The following B4GALNT1 variants were observed in gnomAD, a reference collection of about 807,000 sequenced individuals.
B4GALNT1 encodes beta-1,4 N-acetylgalactosaminyltransferase 1.
Under a neutral mutation model 55.2 loss-of-function variants are expected in B4GALNT1, and 43 were observed. The observed-to-expected ratio is 0.78, with a 90% CI of 0.61 to 1.00. The LOEUF is 1.00. Ranked by LOEUF, B4GALNT1 falls within the 50% of genes least tolerant of loss-of-function variation. The pLI is 0.00. For synonymous variants in B4GALNT1, 305 were observed against 311.6 expected, an observed-to-expected ratio of 0.98 and a Z score of 0.22; for missense variants, 664 against 729.7, an observed-to-expected ratio of 0.91 and a Z score of 1.04.
rs376211300 is a variant in B4GALNT1 at position 57,627,615 on chromosome 12, C to T, written c.1384+3G>A. 1.1e-5 allele frequency: 18 copies of T among 1,584,586 alleles called. No individual in the cohort carries two copies. In the East Asian group the frequency reaches 1.4e-4, roughly 12 times the overall value. ...GGGTCGACCGGGAGGGGGTGCCACTCACCCAGATGAGCCACGCGGCTGAGG... is the reference window on the plus strand; with the variant it reads ...GGGTCGACCGGGAGGGGGTGCCACTTACCCAGATGAGCCACGCGGCTGAGG... On this transcript the variant is annotated splice_donor_region_variant and intron_variant, in intron 10 of 10. Coordinates refer to ENST00000341156, the MANE Select transcript of B4GALNT1 (RefSeq NM_001478.5).
chr12:57,625,232 C>T lies in B4GALNT1; in HGVS notation c.*1512G>A. On this transcript the variant is annotated 3_prime_UTR_variant, in exon 11 of 11. Coordinates refer to ENST00000341156, the MANE Select transcript of B4GALNT1 (RefSeq NM_001478.5). ...CTGGGTACTCCTGTCTTCTCCCATTCTAGTTGCTGAGCCTGTCAGGGTGGT... is the reference window on the plus strand; with the variant it reads ...CTGGGTACTCCTGTCTTCTCCCATTTTAGTTGCTGAGCCTGTCAGGGTGGT... The T allele has an allele frequency of 6.2e-7, 1 of 1,614,108 alleles. No individual in the cohort carries two copies. The highest frequency in any genetic ancestry group is 2.2e-5 in the East Asian group (1 of 44,886).
In B4GALNT1 at chr12:57,632,080, G is replaced by C. The variant is rs1434548400; in HGVS notation, c.53C>G (p.Ala18Gly). 1 of 1,446,028 alleles carries C rather than the reference G, an allele frequency of 6.9e-7. No individual in the cohort carries two copies. The highest frequency in any genetic ancestry group is 2.6e-5 in the East Asian group (1 of 38,242). The allele number at this position is 1,446,028 out of a possible 1,614,324, so 89.6% of individuals were successfully genotyped here. The change falls in exon 2 of 11, where the codon GCC (alanine) becomes GGC (glycine). Residue 18 changes from alanine (A) to glycine (G), a missense_variant. Ala to Gly is a moderately conservative substitution (Grantham distance 60, BLOSUM62 0). Transcript: ENST00000341156. ...LCALVLLLAC[A>G]SLGLLYASTR... The stretch of plus-strand genomic sequence containing the variant: ...GCTCGCGTACAGGAGCCCCAGCGAG[G>C]CGCAGGCGAGCAGAAGGACCAGAGC...
intron 2 of B4GALNT1, 123 bp downstream of exon 2, chr12:57,631,792 C>G: frequency 9.6e-7 from 1 of 1,045,152 alleles, no homozygotes; most frequent in African/African-American, 1.6e-5. Context: ...ACTTCCACCT[C>G]CCACTTCACT....
chr12:57,631,410 C>T (rs772145202), intron 2 of B4GALNT1, 46 bp from the exon 3 acceptor site: 1 of 1,603,988 alleles, frequency 6.2e-7, no homozygotes, highest in Admixed American at 1.7e-5. Flanking sequence ...AGCTACACAG[C>T]TCCATTCATC....
intron 10 of B4GALNT1, among the ~76,000 whole-genome samples, chr12:57,627,392 C>CA (rs1001464655): frequency 7.1e-6 from 1 of 140,272 alleles, no homozygotes; most frequent in Non-Finnish European, 1.5e-5. Context: ...TAAAGTATAA[C>CA]AAAAAATATA....
At position 57,628,682 on chromosome 12, in the gene B4GALNT1, T is replaced by C. The variant is rs1208409043; in HGVS notation, c.1002+31A>G. ...GGGCACACCCCCTGCGGGAGTCCTCTGGCCTGCCGTTCAGCCTGCTAGCTG... is the reference window on the plus strand; with the variant it reads ...GGGCACACCCCCTGCGGGAGTCCTCCGGCCTGCCGTTCAGCCTGCTAGCTG... On this transcript the variant is annotated intron_variant, in intron 8 of 10. Transcript: ENST00000341156. 2.5e-6 allele frequency: 4 copies of C among 1,613,040 alleles called. No individual in the cohort carries two copies. The African/African-American group carries it at 5.3e-5, about 22-fold the overall frequency.
chr12:57,623,887 G>C lies in B4GALNT1; in HGVS notation c.*2857C>G, dbSNP rs765591316. ...GGTCCTGTCGGTGCTGCTGTGGCTG[G>C]GGCCCTTCTTTTACTATCTGCCCAA... On this transcript the variant is annotated 3_prime_UTR_variant, in exon 11 of 11. Transcript: ENST00000341156. 1.2e-6 allele frequency: 2 copies of C among 1,614,036 alleles called. No homozygotes were observed. Among genetic ancestry groups the C allele is most frequent in the Non-Finnish European group, 1.7e-6 (2 of 1,179,978 alleles).
At chr12:57,628,449 G>C in intron 8 of B4GALNT1, 187 bp from the exon 9 acceptor site, 1 of 936,380 alleles carries the variant, frequency 1.1e-6, no homozygotes, top group Non-Finnish European at 1.6e-6. Flanking sequence ...AGTGGTCTTA[G>C]AATGCGTTTA....
chr12:57,629,601 C>A (rs140020573), intron 6 of B4GALNT1: 181 of 523,064 alleles, frequency 3.5e-4, no homozygotes, highest in African/African-American at 3.1e-3. Flanking sequence ...ATAAGACAAA[C>A]AAGTAATGTG....
chr12:57,628,748 G>T lies in B4GALNT1; in HGVS notation c.967C>A (p.Pro323Thr). 1 of 1,614,224 alleles carries T rather than the reference G, an allele frequency of 6.2e-7. No homozygotes were observed. Among genetic ancestry groups the T allele is most frequent in the South Asian group, 1.1e-5 (1 of 91,078 alleles). The change falls in exon 8 of 11, where the codon CCC becomes ACC. Residue 323 changes from proline to threonine, a missense_variant. By Grantham distance (38) the Pro-to-Thr change is conservative (BLOSUM62 -1). Transcript: ENST00000341156. ...GGCATGAGATAGTGTTCCACGTAGGGGCCACTAACGCGCTCTGGCTTGTCG... is the reference window on the plus strand; with the variant it reads ...GGCATGAGATAGTGTTCCACGTAGGTGCCACTAACGCGCTCTGGCTTGTCG... The part of the protein sequence containing the change: ...DSDKPERVSG[P>T]YVEHYLMPFG...
At position 57,631,924 on chromosome 12, in the gene B4GALNT1, T is replaced by C; in HGVS notation, c.209A>G (p.Gln70Arg). 1 of 1,422,770 alleles carries C rather than the reference T, an allele frequency of 7.0e-7. No homozygotes were observed. Among genetic ancestry groups the C allele is most frequent in the Non-Finnish European group, 9.2e-7 (1 of 1,088,174 alleles). The allele number at this position is 1,422,770 out of a possible 1,614,324, so 88.1% of individuals were successfully genotyped here. Residue 70 changes from glutamine to arginine, a missense_variant, in exon 2 of 11, where the codon CAA becomes CGA. Physicochemically the swap from Gln to Arg is conservative, Grantham distance 43. Coordinates refer to ENST00000341156, the MANE Select transcript of B4GALNT1 (RefSeq NM_001478.5). ...YAHIPVRIKE[Q>R]VVGLLAWNNC... Reference sequence around the variant, plus strand: ...CGCGGTCGGCACTCACCCCACTACTTGCTCCTTGATCCTGACCGGGATGTG... The same window carrying C: ...CGCGGTCGGCACTCACCCCACTACTCGCTCCTTGATCCTGACCGGGATGTG...
In B4GALNT1 at chr12:57,623,983, C is replaced by T. The variant is rs1289841782; in HGVS notation, c.*2761G>A. ...TATTCCAGGACATCGAGGTAGTCAG[C>T]CCACCTCCTCTGCCTCAAGGCTGTC... is the stretch of plus-strand genomic sequence containing the variant. On this transcript the variant is annotated 3_prime_UTR_variant, in exon 11 of 11. Coordinates refer to ENST00000341156, the MANE Select transcript of B4GALNT1 (RefSeq NM_001478.5). The T allele has an allele frequency of 6.2e-7, 1 of 1,611,322 alleles. No homozygotes were observed. Among genetic ancestry groups the T allele is most frequent in the Non-Finnish European group, 8.5e-7 (1 of 1,178,264 alleles).
intron 3 of B4GALNT1, 37 bp from the exon 4 acceptor site, chr12:57,631,123 G>C (rs907980445): frequency 1.2e-6 from 2 of 1,608,596 alleles, no homozygotes; most frequent in Non-Finnish European, 1.7e-6. Flanking sequence ...AGCAGAGTCG[G>C]GGGGAGAGGG....
In B4GALNT1 at chr12:57,625,955, G is replaced by A. The variant is rs1343825717; in HGVS notation, c.*789C>T. 1.2e-5 allele frequency: 6 copies of A among 491,916 alleles called. No individual in the cohort carries two copies. Among genetic ancestry groups the A allele is most frequent in the Non-Finnish European group, 2.1e-5 (6 of 291,442 alleles). The allele number at this position is 491,916 out of a possible 1,614,324, so 30.5% of individuals were successfully genotyped here. ...GACTGCCACATTTCATTAAGGAAGA[G>A]GGGTGCCTAATCTATTCCTGACATG... On this transcript the variant is annotated 3_prime_UTR_variant, in exon 11 of 11. Coordinates refer to ENST00000341156, the MANE Select transcript of B4GALNT1 (RefSeq NM_001478.5).
Position 57,627,798 on chromosome 12 carries a change from C to T in B4GALNT1, c.1204G>A (p.Val402Met), listed in dbSNP as rs377044701. ...CCGAGGCCTGGGGCGCCGGGCTCCA[C>T]GCTCAGCAGCTGCCGATAAGTGGTG... ...FATTYRQLLS[V>M]EPGAPGLGNC... Residue 402 changes from valine to methionine, a missense_variant, in exon 10 of 11, where the codon GTG (valine) becomes ATG (methionine). Coordinates refer to ENST00000341156, the MANE Select transcript of B4GALNT1 (RefSeq NM_001478.5). 3.6e-5 allele frequency: 57 copies of T among 1,596,828 alleles called. No homozygotes were observed. The African/African-American group carries it at 6.4e-4, about 18-fold the overall frequency.
Position 57,630,275 on chromosome 12 carries a change from T to C in B4GALNT1, c.589A>G (p.Thr197Ala), listed in dbSNP as rs772687846. ...TCTGCCTGACCCTCTCCAGTGAGAG[T>C]AACTCCAGTCACTTCCCCTGCCACG... ...WDVAGEVTGV[T>A]LTGEGQADLT... is the part of the protein sequence containing the mutation. The change falls in exon 6 of 11, where the codon ACT becomes GCT. Residue 197 changes from threonine (T) to alanine (A), a missense_variant. Physicochemically the swap from Thr to Ala is moderately conservative, Grantham distance 58. Coordinates refer to ENST00000341156, the MANE Select transcript of B4GALNT1 (RefSeq NM_001478.5). The C allele has an allele frequency of 4.3e-6, 7 of 1,614,108 alleles. No homozygotes were observed. The highest frequency in any genetic ancestry group is 5.1e-6 in the Non-Finnish European group (6 of 1,180,006).
Position 57,626,894 on chromosome 12 carries a change from T to G in B4GALNT1, c.1452A>C (p.Ala484=), listed in dbSNP as rs1244421271. The change falls in exon 11 of 11, where the codon GCA becomes GCC. Residue 484 remains alanine (A), a synonymous_variant. Coordinates refer to ENST00000341156, the MANE Select transcript of B4GALNT1 (RefSeq NM_001478.5). ...ATGTCCAAGGCAGCTTCAGTTTGGA[T>G]GCATGATCCACCACGACGTCGGAGC... ...GSCSDVVVDH[A]SKLKLPWTSR... 1 of 1,614,150 alleles carries G rather than the reference T, an allele frequency of 6.2e-7. No homozygotes were observed. The highest frequency in any genetic ancestry group is 1.1e-5 in the South Asian group (1 of 91,088).
intron 5 of B4GALNT1, 58 bp from the exon 6 acceptor site, chr12:57,630,390 AT>A: frequency 1.3e-6 from 2 of 1,598,534 alleles, no homozygotes; most frequent in Non-Finnish European, 1.7e-6. Context: ...TGCCTCCCTG[AT>A]TCGCCCATCC....
At chr12:57,630,752 A>G (rs1372032158) in intron 4 of B4GALNT1, among the ~76,000 whole-genome samples, 1 of 152,202 alleles carries the variant, frequency 6.6e-6, no homozygotes, top group Admixed American at 6.5e-5. Context: ...GTTAGTCAGC[A>G]AAGAATAGAT....
Sources: allele counts gnomAD v4.1 joint callset (sites outside exome capture counted in the v4.1 genomes callset), GRCh38; gene constraint gnomAD v4.1.1; transcripts MANE v1.5; gene names NCBI Gene and HGNC (gene_info 2026-07-23, HGNC 2026-07-21).